ITGA2: variants seen among roughly 807,000 people sequenced by gnomAD.
ITGA2 encodes integrin subunit alpha 2.
A neutral mutation model predicts 146.3 loss-of-function variants in ITGA2; 101 were observed. That is an observed-to-expected ratio of 0.69 (90% CI 0.59 to 0.81). The LOEUF (loss-of-function observed/expected upper bound fraction) is 0.81, where lower values mean the gene tolerates loss of function less well. Ranked by LOEUF, ITGA2 falls within the 40% of genes least tolerant of loss-of-function variation. The pLI, the probability that ITGA2 is intolerant of heterozygous loss-of-function variation, is 0.00. For missense variants in ITGA2, 1,281 were observed against 1,402.7 expected, an observed-to-expected ratio of 0.91 and a Z score of 1.39; for synonymous variants, 477 against 487.1, an observed-to-expected ratio of 0.98 and a Z score of 0.27.
At chr5:53,051,150 A>T (rs905217484) in intron 6 of ITGA2, among the ~76,000 whole-genome samples, 2 of 152,146 alleles carry the variant, frequency 1.3e-5, no homozygotes, top group Non-Finnish European at 2.9e-5. Context: ...AAAACTACAA[A>T]TATTACTCTT....
chr5:53,063,235 A>G (rs1279372681), intron 13 of ITGA2, among the ~76,000 whole-genome samples: 3 of 151,962 alleles, frequency 2.0e-5, no homozygotes, highest in Non-Finnish European at 4.4e-5. Context: ...ACACACAAAC[A>G]TTTGTGTATT....
At chr5:53,044,927 C>A in intron 3 of ITGA2, 74 bp from the exon 4 acceptor site, 2 of 1,012,594 alleles carry the variant, frequency 2.0e-6, no homozygotes, top group Admixed American at 1.8e-5. Flanking sequence ...CATGGGTGTG[C>A]CTGTTTTCTT....
rs9292001 is a variant in ITGA2 at position 52,999,754 on chromosome 5, C to A, written c.64+10222C>A. 5.3e-3 allele frequency among the ~76,000 whole-genome samples: 802 copies of A among 152,256 alleles called. 8 individuals carry two copies. Among genetic ancestry groups the A allele is most frequent in the African/African-American group, 0.019 (769 of 41,530 alleles). On this transcript the variant is annotated intron_variant, in intron 1 of 29. Coordinates refer to ENST00000296585, the MANE Select transcript of ITGA2 (RefSeq NM_002203.4). ...ACTGCAAAGACATCCCTGAGAAATG[C>A]TATGGTAAACAGTCATCAGGGTCTT...
intron 6 of ITGA2, 93 bp from the exon 7 acceptor site, chr5:53,051,318 T>C: frequency 7.4e-7 from 1 of 1,353,650 alleles, no homozygotes; most frequent in Non-Finnish European, 1.0e-6. Flanking sequence ...CCGGCCCATG[T>C]CTAAATGTAC....
At chr5:53,081,092 G>A (rs1745895038) in intron 25 of ITGA2, among the ~76,000 whole-genome samples, 1 of 152,078 alleles carries the variant, frequency 6.6e-6, no homozygotes, top group Admixed American at 6.5e-5. Flanking sequence ...AGAAGCTCTA[G>A]GGGTAAGATT....
intron 2 of ITGA2, among the ~76,000 whole-genome samples, chr5:53,031,209 T>G (rs915837263): frequency 6.6e-6 from 1 of 152,254 alleles, no homozygotes; most frequent in Admixed American, 6.5e-5. Flanking sequence ...CTGATACTAA[T>G]CAAGTTAGTT....
intron 27 of ITGA2, among the ~76,000 whole-genome samples, chr5:53,085,815 A>T (rs1244425696): frequency 1.3e-5 from 2 of 152,228 alleles, no homozygotes; most frequent in East Asian, 3.8e-4. Flanking sequence ...CAGCTCTAAC[A>T]TCTAAGCGCT....
intron 1 of ITGA2, among the ~76,000 whole-genome samples, chr5:53,006,615 G>T (rs184097911): frequency 2.6e-5 from 4 of 152,106 alleles, no homozygotes; most frequent in Non-Finnish European, 5.9e-5. Flanking sequence ...ATTGAACCAC[G>T]ACCATGTGCA....
intron 27 of ITGA2, among the ~76,000 whole-genome samples, chr5:53,085,126 A>G (rs1452125389): frequency 2.0e-5 from 3 of 152,250 alleles, no homozygotes; most frequent in African/African-American, 7.2e-5. Flanking sequence ...TTAAGCAGCA[A>G]AGTGGATGTT....
At chr5:53,048,619 C>T in intron 5 of ITGA2, 24 bp from the exon 6 acceptor site, 1 of 1,614,036 alleles carries the variant, frequency 6.2e-7, no homozygotes, top group Non-Finnish European at 8.5e-7. Context: ...TGGAAATCTG[C>T]TTCTTTCCTC....
In ITGA2 at chr5:53,052,365, A is replaced by G. The variant is rs891532486; in HGVS notation, c.779+806A>G. Among the ~76,000 whole-genome samples the G allele has an allele frequency of 9.9e-5, 15 of 151,914 alleles. No individual in the cohort carries two copies. The East Asian group carries it at 2.7e-3, about 28-fold the overall frequency. On this transcript the variant is annotated intron_variant, in intron 7 of 29. Coordinates refer to ENST00000296585, the MANE Select transcript of ITGA2 (RefSeq NM_002203.4). ...ATGCAGTGTTTGGTTTTCTGTTCCTATGTAAGTTTGCTGAGAATGATGGTT... is the reference window on the plus strand; with the variant it reads ...ATGCAGTGTTTGGTTTTCTGTTCCTGTGTAAGTTTGCTGAGAATGATGGTT...
chr5:53,038,819 A>G (rs888076981), intron 2 of ITGA2, among the ~76,000 whole-genome samples: 2 of 152,174 alleles, frequency 1.3e-5, no homozygotes, highest in Non-Finnish European at 2.9e-5. Flanking sequence ...GGCCAGGCAC[A>G]GTGGCTCACA....
chr5:53,029,530 T>C (rs1743125213), intron 2 of ITGA2, among the ~76,000 whole-genome samples: 1 of 152,212 alleles, frequency 6.6e-6, no homozygotes, highest in South Asian at 2.1e-4. Flanking sequence ...TCTTTCAGTC[T>C]CAGCTCAAAT....
At chr5:53,075,892 A>T (rs1051098576) in intron 23 of ITGA2, among the ~76,000 whole-genome samples, 4 of 151,976 alleles carry the variant, frequency 2.6e-5, no homozygotes, top group Non-Finnish European at 5.9e-5. Context: ...TTTCCAAAGG[A>T]TGTTATCCAT....
At chr5:53,086,802 T>G in intron 27 of ITGA2, 150 bp from the exon 28 acceptor site, 1 of 695,798 alleles carries the variant, frequency 1.4e-6, no homozygotes, top group African/African-American at 1.7e-5. Context: ...ACAGCACTGG[T>G]TTAAGCACAC....
chr5:53,080,104 C>T (rs1745844108), intron 24 of ITGA2, among the ~76,000 whole-genome samples: 1 of 152,144 alleles, frequency 6.6e-6, no homozygotes, highest in Non-Finnish European at 1.5e-5. Context: ...CTCCGGCAGC[C>T]CAGCTCCACA....
At chr5:53,050,218 A>G (rs1401132953) in intron 6 of ITGA2, among the ~76,000 whole-genome samples, 1 of 152,118 alleles carries the variant, frequency 6.6e-6, no homozygotes, top group East Asian at 1.9e-4. Context: ...GTGTCTTCCT[A>G]CCACAGTGCA....
In ITGA2 at chr5:53,092,483, C is replaced by G. The variant is rs936036182; in HGVS notation, c.*1884C>G. ...GTTTACAGAATTACTTTGTAGTTGA[C>G]AACACAAAACAAACAAAAAAGGCAT... On this transcript the variant is annotated 3_prime_UTR_variant, in exon 30 of 30. Coordinates refer to ENST00000296585, the MANE Select transcript of ITGA2 (RefSeq NM_002203.4). 1 of 151,926 alleles carries G rather than the reference C, an allele frequency of 6.6e-6. No homozygotes were observed. The highest frequency in any genetic ancestry group is 1.5e-5 in the Non-Finnish European group (1 of 67,988). The allele number at this position is 151,926 out of a possible 1,614,324, so 9.4% of individuals were successfully genotyped here.
chr5:53,074,546 A>G, intron 21 of ITGA2, 69 bp downstream of exon 21: 1 of 1,186,960 alleles, frequency 8.4e-7, no homozygotes, highest in Non-Finnish European at 1.3e-6. Flanking sequence ...TTACCAACAT[A>G]ACATCTTGCT....
Sources: gnomAD v4.1 joint callset for allele counts (sites outside exome capture counted in the v4.1 genomes callset) on GRCh38, gnomAD v4.1.1 for gene constraint, MANE v1.5 for transcripts, NCBI Gene and HGNC (gene_info 2026-07-23, HGNC 2026-07-21) for gene names.